DHX37: variants seen among roughly 807,000 people sequenced by gnomAD.
DHX37 encodes probable ATP-dependent RNA helicase DHX37.
A neutral mutation model predicts 134.3 loss-of-function variants in DHX37; 52 were observed. The ratio of observed to expected loss-of-function variants is 0.39; its 90% CI spans 0.31 to 0.49. The LOEUF is 0.49. Ranked by LOEUF, DHX37 falls within the 20% of genes least tolerant of loss-of-function variation. DHX37 has a pLI of 0.93. For synonymous variants in DHX37, 634 were observed against 670.7 expected (o/e 0.95, Z 0.85); for missense variants, 1,344 against 1,580.8 (o/e 0.85, Z 2.54).
chr12:124,975,607 C>A, intron 5 of DHX37, 96 bp from the exon 6 acceptor site: 10 of 1,332,176 alleles, frequency 7.5e-6, no homozygotes, highest in South Asian at 1.3e-5. Context: ...CCATACTGAC[C>A]TGGCGCTCAC....
chr12:124,956,648 G>A lies in DHX37; in HGVS notation c.2453+43C>T, dbSNP rs149616171. On this transcript the variant is annotated intron_variant, in intron 18 of 26. Transcript: ENST00000308736. ...GGACTCTCAGCCCAGAGCCCCCGTC[G>A]GAACTGAGCTTGGCCCTGAGTGCCC... 9.5e-4 allele frequency: 1,413 copies of A among 1,494,798 alleles called. 4 individuals are homozygous for A. In the African/African-American group the frequency reaches 0.014, roughly 15 times the overall value. 92.6% of individuals were successfully genotyped at this position (1,494,798 alleles called of 1,614,324 possible).
Position 124,952,497 on chromosome 12 carries a change from G to A in DHX37, c.2769C>T (p.Thr923=), listed in dbSNP as rs142662247. The A allele has an allele frequency of 4.4e-6, 7 of 1,607,236 alleles. No homozygotes were observed. Among genetic ancestry groups the A allele is most frequent in the Non-Finnish European group, 6.0e-6 (7 of 1,175,416 alleles). ...CTGCCGTCACGATCTGTCGCAGGTA[G>A]GTCACCTGGCTCTCGGTGGGCGGCT... ...KMQPPTESQV[T]YLRQIVTAGL... Residue 923 remains threonine (T), a synonymous_variant, in exon 21 of 27, where the codon ACC becomes ACT. Transcript: ENST00000308736.
Position 124,949,457 on chromosome 12 carries a change from G to C in DHX37, c.3290+529C>G, listed in dbSNP as rs1023506636. 2.4e-5 allele frequency among the ~76,000 whole-genome samples: 3 copies of C among 126,402 alleles called. No individual in the cohort carries two copies. The highest frequency in any genetic ancestry group is 8.7e-5 in the Admixed American group (1 of 11,468). The allele number at this position is 126,402 out of a possible 152,430, so 82.9% of individuals were successfully genotyped here. ...TGAAGCAGAGGTGGTGGGCGGGATG[G>C]GGCAGGGGTCTGCTTAGCTGGGAGG... On this transcript the variant is annotated intron_variant, in intron 25 of 26. Coordinates refer to ENST00000308736, the MANE Select transcript of DHX37 (RefSeq NM_032656.4). The surrounding 1 kb of genome is among the most constrained non-coding windows in gnomAD (Gnocchi z 4.0).
In DHX37 at chr12:124,968,856, C is replaced by G; in HGVS notation, c.1293+11G>C. The G allele has an allele frequency of 6.2e-7, 1 of 1,613,968 alleles. No homozygotes were observed. Among genetic ancestry groups the G allele is most frequent in the Non-Finnish European group, 8.5e-7 (1 of 1,179,972 alleles). On this transcript the variant is annotated intron_variant, in intron 9 of 26. Transcript: ENST00000308736. ...ATCCAAGCTCACAGAGGACATGGGA[C>G]CCTGTGTTACCTTGATGACCGGCGG...
chr12:124,964,980 G>T lies in DHX37; in HGVS notation c.1762C>A (p.Leu588Ile). 6.3e-7 allele frequency: 1 copy of T among 1,599,006 alleles called. No homozygotes were observed. Among genetic ancestry groups the T allele is most frequent in the Non-Finnish European group, 8.5e-7 (1 of 1,174,546 alleles). The change falls in exon 14 of 27, where the codon CTC becomes ATC. Residue 588 changes from leucine (L) to isoleucine (I), a missense_variant. Coordinates refer to ENST00000308736, the MANE Select transcript of DHX37 (RefSeq NM_032656.4). ...GGEQPDASLP[L>I]HVLPLYSLLA... Reference sequence around the variant, plus strand: ...AGAGAGTACAGCGGGAGCACGTGGAGCGGGAGGGAGGCATCCGGCTGCTCA... The same window carrying T: ...AGAGAGTACAGCGGGAGCACGTGGATCGGGAGGGAGGCATCCGGCTGCTCA...
chr12:124,963,724 A>C (rs1044158993), intron 15 of DHX37, among the ~76,000 whole-genome samples: 7 of 151,352 alleles, frequency 4.6e-5, no homozygotes, highest in African/African-American at 1.7e-4. Context: ...AAAAAAAAAA[A>C]AAAAAATTAG....
Position 124,954,249 on chromosome 12 carries a change from C to T in DHX37, c.2454-38G>A, listed in dbSNP as rs545379306. The T allele has an allele frequency of 2.3e-5, 35 of 1,528,974 alleles. No homozygotes were observed. The Admixed American group carries it at 4.1e-4, about 18-fold the overall frequency. 94.7% of individuals were successfully genotyped at this position (1,528,974 alleles called of 1,614,324 possible). On this transcript the variant is annotated intron_variant, in intron 18 of 26. Coordinates refer to ENST00000308736, the MANE Select transcript of DHX37 (RefSeq NM_032656.4). ...ATACATACTGTCTGGGCTGGGGCCT[C>T]GGCTGCGCTCAGGGCCTCAGCGGGG...
chr12:124,975,787 A>G (rs1954626102), intron 5 of DHX37, among the ~76,000 whole-genome samples: 1 of 152,180 alleles, frequency 6.6e-6, no homozygotes, highest in Non-Finnish European at 1.5e-5. Flanking sequence ...TGTTTGCCCC[A>G]GTCAAGCACA....
chr12:124,982,948 T>C (rs1189203021), intron 2 of DHX37, among the ~76,000 whole-genome samples: 2 of 152,202 alleles, frequency 1.3e-5, no homozygotes, highest in Non-Finnish European at 2.9e-5. Context: ...GCTCCCTAGC[T>C]GCTCTGAGGA....
intron 2 of DHX37, among the ~76,000 whole-genome samples, chr12:124,985,285 C>A (rs1281108900): frequency 6.6e-6 from 1 of 152,150 alleles, no homozygotes; most frequent in Non-Finnish European, 1.5e-5. Context: ...AAGTGACCAG[C>A]AGTGGAGATA....
chr12:124,968,232 G>A (rs559238497), intron 10 of DHX37, among the ~76,000 whole-genome samples: 7 of 152,160 alleles, frequency 4.6e-5, no homozygotes, highest in Admixed American at 1.3e-4. Flanking sequence ...GGATGTGCCC[G>A]TTCCCCTACA....
At chr12:124,972,954 G>GT (rs1954549565) in intron 6 of DHX37, among the ~76,000 whole-genome samples, 1 of 152,238 alleles carries the variant, frequency 6.6e-6, no homozygotes, top group African/African-American at 2.4e-5. Context: ...TACTGCAGCT[G>GT]TATGTGTTTC....
chr12:124,952,249 G>T, intron 21 of DHX37, 149 bp downstream of exon 21: 2 of 761,668 alleles, frequency 2.6e-6, no homozygotes, highest in Non-Finnish European at 3.9e-6. Context: ...AACCAAGGAA[G>T]ATGTGATTCT....
chr12:124,975,973 C>T (rs367946598), intron 5 of DHX37, among the ~76,000 whole-genome samples: 15 of 152,232 alleles, frequency 9.9e-5, no homozygotes, highest in Non-Finnish European at 2.1e-4. Flanking sequence ...CCTGTAAGTG[C>T]GGGGCCCACT....
intron 4 of DHX37, 146 bp from the exon 5 acceptor site, chr12:124,977,636 G>A: frequency 2.3e-6 from 2 of 878,300 alleles, no homozygotes; most frequent in East Asian, 6.4e-5. Flanking sequence ...AGGGGACCAG[G>A]AGCCATGGTC....
chr12:124,968,399 T>A, intron 10 of DHX37, 135 bp downstream of exon 10: 2 of 1,427,682 alleles, frequency 1.4e-6, no homozygotes, highest in South Asian at 2.7e-5. Context: ...CACTCTGGAA[T>A]AAGTGAGGAA....
chr12:124,980,955 G>A lies in DHX37; in HGVS notation c.390-117C>T, dbSNP rs1460210664. 2 of 1,156,752 alleles carry A rather than the reference G, an allele frequency of 1.7e-6. No individual in the cohort carries two copies. Among genetic ancestry groups the A allele is most frequent in the Non-Finnish European group, 2.4e-6 (2 of 835,948 alleles). 71.7% of individuals were successfully genotyped at this position (1,156,752 alleles called of 1,614,324 possible). A position where few individuals can be genotyped will look rare whatever the true frequency, so the allele number is the denominator to read the frequency against. Reference sequence around the variant, plus strand: ...CTTTGCACCTGCTGTTCCACTCCCTGAAATGCCCTTCCTGCAGATACCTCC... The same window carrying A: ...CTTTGCACCTGCTGTTCCACTCCCTAAAATGCCCTTCCTGCAGATACCTCC... On this transcript the variant is annotated intron_variant, in intron 3 of 26. Coordinates refer to ENST00000308736, the MANE Select transcript of DHX37 (RefSeq NM_032656.4). This position sits in a 1 kb window ranked among gnomAD's most constrained non-coding sequence, Gnocchi z 5.3.
intron 5 of DHX37, among the ~76,000 whole-genome samples, chr12:124,977,063 G>A (rs879190078): frequency 6.7e-6 from 1 of 150,318 alleles, no homozygotes; most frequent in Non-Finnish European, 1.5e-5. Context: ...AAAAAAAAAG[G>A]AAAAAAGAAA....
chr12:124,965,239 C>T (rs10846789), intron 13 of DHX37, among the ~76,000 whole-genome samples: 32,594 of 152,110 alleles, frequency 0.21, 4,301 homozygotes, highest in East Asian at 0.57. Context: ...CTGTGCTGCA[C>T]AATCTCCTCC....
Sources: allele counts gnomAD v4.1 joint callset (sites outside exome capture counted in the v4.1 genomes callset), GRCh38; gene constraint gnomAD v4.1.1; non-coding constraint Gnocchi (gnomAD v3.1); transcripts MANE v1.5; gene names NCBI Gene and HGNC (gene_info 2026-07-23, HGNC 2026-07-21).